The following LYPLAL1 variants were observed in gnomAD, a reference collection of about 807,000 sequenced individuals.
The protein encoded by LYPLAL1 is lysophospholipase-like protein 1.
In LYPLAL1, 23 loss-of-function variants were observed where a neutral mutation model predicts 19.7. The ratio of observed to expected loss-of-function variants is 1.17; its 90% CI spans 0.84 to 1.65. The LOEUF is 1.65. Ranked by LOEUF, LYPLAL1 falls within the 40% of genes most tolerant of loss-of-function variation. LYPLAL1 has a pLI of 0.00. For missense variants in LYPLAL1, 355 were observed against 279.4 expected, an observed-to-expected ratio of 1.27 and a Z score of -1.93; for synonymous variants, 119 against 96.3, an observed-to-expected ratio of 1.24 and a Z score of -1.38.
the LYPLAL1 span, among the ~76,000 whole-genome samples, chr1:219,296,023 C>T: frequency 3.3e-5 from 5 of 152,128 alleles, no homozygotes; most frequent in Non-Finnish European, 1.5e-5. Flanking sequence ...TCATTTCTCT[C>T]ATTGGCACAT....
chr1:219,299,277 C>T, the LYPLAL1 span, among the ~76,000 whole-genome samples: 1 of 151,820 alleles, frequency 6.6e-6, no homozygotes, highest in Non-Finnish European at 1.5e-5. Flanking sequence ...TGGAAGCAGC[C>T]AATGTGGGAC....
At chr1:219,398,215 A>G in the LYPLAL1 span, among the ~76,000 whole-genome samples, 3 of 152,124 alleles carry the variant, frequency 2.0e-5, no homozygotes, top group African/African-American at 2.4e-5. Context: ...GTTTCTTTAC[A>G]TGAGTTCTTA....
At chr1:219,329,088 T>C in the LYPLAL1 span, among the ~76,000 whole-genome samples, 2 of 152,112 alleles carry the variant, frequency 1.3e-5, no homozygotes, top group Non-Finnish European at 2.9e-5. Flanking sequence ...CCTTCTCCAT[T>C]TTTGTAGTTC....
At chr1:219,381,737 C>A in the LYPLAL1 span, among the ~76,000 whole-genome samples, 4 of 152,170 alleles carry the variant, frequency 2.6e-5, no homozygotes, top group Admixed American at 6.6e-5. Flanking sequence ...ATGCATCATT[C>A]ATTCATTCAT....
intron 3 of LYPLAL1, among the ~76,000 whole-genome samples, chr1:219,199,282 G>T (rs1657877926): frequency 6.6e-6 from 1 of 152,118 alleles, no homozygotes; most frequent in Non-Finnish European, 1.5e-5. Context: ...ATCCTGTACA[G>T]ACAAGAAGTA....
At chr1:219,432,315 T>C in the LYPLAL1 span, among the ~76,000 whole-genome samples, 3 of 152,344 alleles carry the variant, frequency 2.0e-5, no homozygotes, top group South Asian at 6.2e-4. Flanking sequence ...CTTAACCACA[T>C]CACTTTTCAC....
chr1:219,349,862 A>G, the LYPLAL1 span, among the ~76,000 whole-genome samples: 1 of 152,216 alleles, frequency 6.6e-6, no homozygotes, highest in Non-Finnish European at 1.5e-5. Context: ...GTGTATGTTT[A>G]TCTTGCTTTA....
chr1:219,365,014 C>A, the LYPLAL1 span, among the ~76,000 whole-genome samples: 1 of 152,024 alleles, frequency 6.6e-6, no homozygotes, highest in Non-Finnish European at 1.5e-5. Flanking sequence ...CTGATAGTTA[C>A]ATCAGATTTT....
chr1:219,208,515 A>T (rs1469836783), intron 3 of LYPLAL1, among the ~76,000 whole-genome samples: 8 of 152,020 alleles, frequency 5.3e-5, no homozygotes, highest in Non-Finnish European at 8.8e-5. Flanking sequence ...CTAAAAATTC[A>T]GTTAAATTTT....
the LYPLAL1 span, among the ~76,000 whole-genome samples, chr1:219,411,495 G>A: frequency 2.6e-3 from 392 of 152,138 alleles, 1 homozygote; most frequent in Middle Eastern, 6.8e-3. Context: ...GATTGTAAAC[G>A]CACCAATAAG....
the LYPLAL1 span, among the ~76,000 whole-genome samples, chr1:219,383,111 C>G: frequency 6.6e-6 from 1 of 152,180 alleles, no homozygotes; most frequent in Non-Finnish European, 1.5e-5. Context: ...CTACGTGGTT[C>G]CATGTAGACC....
the LYPLAL1 span, among the ~76,000 whole-genome samples, chr1:219,334,054 C>A: frequency 1.3e-5 from 2 of 151,984 alleles, no homozygotes; most frequent in East Asian, 3.9e-4. Flanking sequence ...TCAAATGAAG[C>A]CTTCCTTGTT....
intron 2 of LYPLAL1, among the ~76,000 whole-genome samples, chr1:219,181,974 T>G (rs1323700636): frequency 6.6e-6 from 1 of 152,194 alleles, no homozygotes; most frequent in Admixed American, 6.5e-5. Context: ...GTAATAGGAA[T>G]GAGTAATTGT....
At chr1:219,244,802 C>T in the LYPLAL1 span, among the ~76,000 whole-genome samples, 1 of 151,512 alleles carries the variant, frequency 6.6e-6, no homozygotes, top group East Asian at 1.9e-4. Flanking sequence ...AAAAAGTTAG[C>T]CAGACATCGT....
At chr1:219,193,306 A>T in intron 3 of LYPLAL1, 55 bp downstream of exon 3, 1 of 1,389,548 alleles carries the variant, frequency 7.2e-7, no homozygotes. Context: ...CTAATTCTAT[A>T]CATCAAATCT....
chr1:219,340,185 C>T, the LYPLAL1 span, among the ~76,000 whole-genome samples: 31 of 152,102 alleles, frequency 2.0e-4, no homozygotes, highest in Admixed American at 2.0e-3. Context: ...CAATTACTAT[C>T]GTTGTGGGTA....
At chr1:219,322,919 C>A in the LYPLAL1 span, among the ~76,000 whole-genome samples, 3 of 152,156 alleles carry the variant, frequency 2.0e-5, no homozygotes, top group Non-Finnish European at 4.4e-5. Flanking sequence ...TTAAGCGATG[C>A]TTTTCCCTTT....
At chr1:219,259,686 T>C in the LYPLAL1 span, among the ~76,000 whole-genome samples, 1 of 151,312 alleles carries the variant, frequency 6.6e-6, no homozygotes, top group Non-Finnish European at 1.5e-5. Context: ...ACCCTGGGTA[T>C]AGGGTACACT....
At chr1:219,282,903 G>T in the LYPLAL1 span, among the ~76,000 whole-genome samples, 1 of 151,964 alleles carries the variant, frequency 6.6e-6, no homozygotes, top group Non-Finnish European at 1.5e-5. Context: ...GTGTGTAGTA[G>T]GTCTAGAGAA....
Sources: gnomAD v4.1 joint callset for allele counts (sites outside exome capture counted in the v4.1 genomes callset) on GRCh38, gnomAD v4.1.1 for gene constraint, MANE v1.5 for transcripts, NCBI Gene and HGNC (gene_info 2026-07-23, HGNC 2026-07-21) for gene names.